Variants in SLC28A1 observed in about 807,000 individuals in gnomAD.
SLC28A1 encodes the protein solute carrier family 28 member 1, also known as sodium/nucleoside cotransporter 1.
In SLC28A1, 64 loss-of-function variants were observed where a neutral mutation model predicts 74.8. The observed-to-expected ratio is 0.86, with a 90% CI of 0.70 to 1.05. SLC28A1 has a LOEUF of 1.05. Among genes scored for constraint, SLC28A1 ranks in the 50% least tolerant of loss-of-function variants. The probability of loss-of-function intolerance (pLI) is 0.00; values close to 1 mark genes in which losing one functional copy is unlikely to be tolerated. For synonymous variants in SLC28A1, 359 were observed against 335.0 expected (o/e 1.07, Z -0.78); for missense variants, 828 against 822.8 (o/e 1.01, Z -0.08).
chr15:84,886,872 T>TGC, intron 2 of SLC28A1, 85 bp downstream of exon 2: 1 of 706,746 alleles, frequency 1.4e-6, no homozygotes, highest in Non-Finnish European at 1.7e-6. Context: ...TGCCTGTGTG[T>TGC]GTGCACGCAC....
At chr15:84,922,962 A>G (rs1472069795) in intron 11 of SLC28A1, among the ~76,000 whole-genome samples, 1 of 152,172 alleles carries the variant, frequency 6.6e-6, no homozygotes, top group African/African-American at 2.4e-5. Flanking sequence ...TCTGAGATGG[A>G]GTCTCGCTCT....
the SLC28A1 span, among the ~76,000 whole-genome samples, chr15:84,953,630 G>C: frequency 1.3e-5 from 2 of 152,164 alleles, no homozygotes. Context: ...TCTGAGACAG[G>C]AGGATTGCTT....
chr15:84,884,707 T>G lies in SLC28A1; in HGVS notation c.-177T>G, dbSNP rs948122894. The G allele has an allele frequency of 3.0e-6, 3 of 985,526 alleles. No homozygotes were observed. In the South Asian group the frequency reaches 1.4e-4, roughly 46 times the overall value. The allele number at this position is 985,526 out of a possible 1,614,324, so 61.0% of individuals were successfully genotyped here. A position where few individuals can be genotyped will look rare whatever the true frequency, so the allele number is the denominator to read the frequency against. ...GCTGCACTGCATGGTTGCTGCTGGA[T>G]GTGTTGTGTTCCTGGCTTCCCTCTG... On this transcript the variant is annotated 5_prime_UTR_variant, in exon 1 of 19. An upstream start codon of the reference 5' UTR is lost. Transcript: ENST00000394573.
intron 4 of SLC28A1, among the ~76,000 whole-genome samples, chr15:84,889,661 TTTCC>T (rs1186019100): frequency 1.5e-5 from 2 of 133,778 alleles, no homozygotes; most frequent in African/African-American, 5.9e-5. Flanking sequence ...TTTTCTTTTC[TTTCC>T]TTCCTTCCTT....
At chr15:84,889,709 TTTCCTTCC>T (rs1327916243) in intron 4 of SLC28A1, among the ~76,000 whole-genome samples, 496 of 27,052 alleles carry the variant, frequency 0.018, 4 homozygotes, top group Middle Eastern at 0.083. Flanking sequence ...TCCTTCCTTC[TTTCCTTCC>T]TTCCTTCCTT....
At position 84,914,931 on chromosome 15, in the gene SLC28A1, G is replaced by T. The variant is rs550737513; in HGVS notation, c.796-3593G>T. ...CATAGCTTCTCTTCTACCATTCTCC[G>T]TCTCACAGATAGAAAATCTTTTGAT... On this transcript the variant is annotated intron_variant, in intron 9 of 18. Transcript: ENST00000394573. 9.9e-5 allele frequency among the ~76,000 whole-genome samples: 15 copies of T among 152,116 alleles called. 1 individual carries two copies. The highest frequency in any genetic ancestry group is 5.9e-4 in the Admixed American group (9 of 15,276).
At chr15:84,893,501 C>T (rs138947352) in intron 5 of SLC28A1, among the ~76,000 whole-genome samples, 194 of 152,316 alleles carry the variant, frequency 1.3e-3, no homozygotes, top group Admixed American at 2.2e-3. Context: ...TGTTATCATT[C>T]CAGTGAGTGA....
chr15:84,907,702 T>C (rs975488136), intron 8 of SLC28A1, among the ~76,000 whole-genome samples: 1 of 152,116 alleles, frequency 6.6e-6, no homozygotes, highest in Non-Finnish European at 1.5e-5. Context: ...TTAAAAAATA[T>C]AAATCATCAA....
chr15:84,959,104 A>G, the SLC28A1 span, among the ~76,000 whole-genome samples: 5 of 145,390 alleles, frequency 3.4e-5, no homozygotes, highest in African/African-American at 1.3e-4. Flanking sequence ...CATCTCAAAA[A>G]AAAAAAAAAA....
At chr15:84,886,342 G>T in intron 1 of SLC28A1, 1 of 985,320 alleles carries the variant, frequency 1.0e-6, no homozygotes, top group Non-Finnish European at 1.2e-6. Flanking sequence ...AATGCAAAAA[G>T]CTAACAGCCT....
intron 12 of SLC28A1, among the ~76,000 whole-genome samples, chr15:84,931,988 C>G: frequency 6.8e-6 from 1 of 146,044 alleles, no homozygotes; most frequent in Non-Finnish European, 1.5e-5. Flanking sequence ...GGCAACAGAG[C>G]AAGACTCTGT....
At chr15:84,915,468 G>T (rs1234820688) in intron 9 of SLC28A1, among the ~76,000 whole-genome samples, 1 of 152,174 alleles carries the variant, frequency 6.6e-6, no homozygotes, top group African/African-American at 2.4e-5. Flanking sequence ...AGCAGCCCTT[G>T]CCGGGCCCTC....
At chr15:84,901,894 C>G (rs150618195) in intron 6 of SLC28A1, among the ~76,000 whole-genome samples, 1 of 152,222 alleles carries the variant, frequency 6.6e-6, no homozygotes, top group East Asian at 1.9e-4. Context: ...CAAAGACTTG[C>G]ACATGAAGTT....
chr15:84,966,099 A>G, the SLC28A1 span, among the ~76,000 whole-genome samples: 27 of 152,180 alleles, frequency 1.8e-4, no homozygotes, highest in Admixed American at 4.6e-4. Flanking sequence ...TATTTTTGAG[A>G]CAGAGTCTTG....
At chr15:84,900,871 C>CAAGGAAGGAAGG (rs60285824) in intron 6 of SLC28A1, among the ~76,000 whole-genome samples, 13,425 of 146,338 alleles carry the variant, frequency 0.092, 719 homozygotes, top group African/African-American at 0.13. Context: ...GGGTGAAAGG[C>CAAGGAAGGAAGG]AAGGAAGGAA....
At chr15:84,918,189 C>T (rs1162106620) in intron 9 of SLC28A1, among the ~76,000 whole-genome samples, 1 of 152,094 alleles carries the variant, frequency 6.6e-6, no homozygotes, top group African/African-American at 2.4e-5. Flanking sequence ...CATTTTACTC[C>T]CCTTTTAGAG....
the SLC28A1 span, chr15:84,961,403 C>T: frequency 2.5e-6 from 1 of 402,668 alleles, no homozygotes; most frequent in Admixed American, 2.9e-5. Flanking sequence ...ATAATCATGG[C>T]TCACTGTAGC....
chr15:84,971,186 C>G, the SLC28A1 span, among the ~76,000 whole-genome samples: 9 of 152,248 alleles, frequency 5.9e-5, no homozygotes, highest in South Asian at 1.9e-3. Flanking sequence ...AAAATGGAAA[C>G]CACAGAGATA....
chr15:84,933,636 G>A (rs532496338), intron 13 of SLC28A1, among the ~76,000 whole-genome samples: 185 of 152,214 alleles, frequency 1.2e-3, no homozygotes, highest in African/African-American at 4.4e-3. Context: ...TGCCAGGCAG[G>A]GAACTGAGCA....
Sources: gnomAD v4.1 joint callset for allele counts (sites outside exome capture counted in the v4.1 genomes callset) on GRCh38, gnomAD v4.1.1 for gene constraint, MANE v1.5 for transcripts, NCBI Gene and HGNC (gene_info 2026-07-23, HGNC 2026-07-21) for gene names.